The following PCDHA7 variants were observed in gnomAD, a reference collection of about 807,000 sequenced individuals.
The protein encoded by PCDHA7 is protocadherin alpha-7.
In PCDHA7, 37 loss-of-function variants were observed where a neutral mutation model predicts 57.2. The observed-to-expected ratio is 0.65, with a 90% confidence interval of 0.50 to 0.85. PCDHA7 has a LOEUF of 0.85. PCDHA7 is among the 40% of genes least tolerant of loss of function. The pLI is 0.00. For missense variants in PCDHA7, 1,188 were observed against 1,241.8 expected (o/e 0.96, Z 0.65); for synonymous variants, 553 against 558.8 (o/e 0.99, Z 0.15).
At chr5:140,946,679 CG>C (rs1355438071) in intron 1 of PCDHA7, among the ~76,000 whole-genome samples, 1 of 144,750 alleles carries the variant, frequency 6.9e-6, no homozygotes, top group Non-Finnish European at 1.5e-5. Flanking sequence ...TCCTGTCATT[CG>C]TGACAATATG....
chr5:140,927,897 T>C (rs907878286), intron 1 of PCDHA7: 1 of 1,614,086 alleles, frequency 6.2e-7, no homozygotes, highest in African/African-American at 1.3e-5. Context: ...ACGTGAACGA[T>C]CATGCCCCCG....
At chr5:140,891,419 C>T (rs925275455) in intron 1 of PCDHA7, among the ~76,000 whole-genome samples, 1 of 147,378 alleles carries the variant, frequency 6.8e-6, no homozygotes, top group African/African-American at 2.5e-5. Flanking sequence ...CACTCTTGCC[C>T]CCAAGTCCCC....
chr5:140,869,837 C>A (rs374182289), intron 1 of PCDHA7: 48 of 1,611,366 alleles, frequency 3.0e-5, no homozygotes, highest in Non-Finnish European at 3.6e-5. Flanking sequence ...TTTGATAAAT[C>A]AGAATATAAG....
chr5:140,899,909 G>A (rs1401600020), intron 1 of PCDHA7, among the ~76,000 whole-genome samples: 1 of 152,134 alleles, frequency 6.6e-6, no homozygotes, highest in Non-Finnish European at 1.5e-5. Flanking sequence ...CTGGGCTCAA[G>A]CAATCCTCCT....
chr5:140,922,063 A>C (rs1324927848), intron 1 of PCDHA7, among the ~76,000 whole-genome samples: 2 of 152,190 alleles, frequency 1.3e-5, no homozygotes, highest in African/African-American at 4.8e-5. Context: ...AAATGTAGCA[A>C]TCCCACTAAG....
At chr5:140,871,204 A>G in intron 1 of PCDHA7, 1 of 1,613,764 alleles carries the variant, frequency 6.2e-7, no homozygotes, top group Non-Finnish European at 8.5e-7. Context: ...GTACCTGATC[A>G]TCGCCATCTG....
At chr5:140,856,365 A>G in intron 1 of PCDHA7, 1 of 1,598,426 alleles carries the variant, frequency 6.3e-7, no homozygotes, top group Non-Finnish European at 8.6e-7. Flanking sequence ...ATCCACCTGG[A>G]GGTGATCGTG....
intron 1 of PCDHA7, chr5:140,849,501 C>T (rs251354): frequency 6.4e-7 from 1 of 1,571,602 alleles, no homozygotes; most frequent in African/African-American, 1.4e-5. Flanking sequence ...TCATTGTACA[C>T]TTCTTGTGGA....
chr5:141,008,670 A>G (rs1375302412), intron 3 of PCDHA7, among the ~76,000 whole-genome samples: 1 of 152,218 alleles, frequency 6.6e-6, no homozygotes, highest in Non-Finnish European at 1.5e-5. Flanking sequence ...TACTTTACAT[A>G]TACTTTAGTT....
chr5:140,985,283 A>G (rs955144760), intron 3 of PCDHA7, among the ~76,000 whole-genome samples: 6 of 152,020 alleles, frequency 3.9e-5, no homozygotes, highest in Admixed American at 1.3e-4. Context: ...TCTGCAATCT[A>G]TGATATAGTG....
At chr5:140,939,011 CT>C (rs1302482579) in intron 1 of PCDHA7, among the ~76,000 whole-genome samples, 3 of 152,262 alleles carry the variant, frequency 2.0e-5, no homozygotes, top group South Asian at 2.1e-4. Flanking sequence ...AGAAGTGTTA[CT>C]TTTCTTTTAC....
intron 1 of PCDHA7, chr5:140,877,218 G>A: frequency 6.2e-7 from 1 of 1,613,726 alleles, no homozygotes; most frequent in Non-Finnish European, 8.5e-7. Context: ...AGTTGGTACC[G>A]CGGTCGGTGG....
intron 1 of PCDHA7, chr5:140,968,755 A>G: frequency 6.2e-7 from 1 of 1,614,200 alleles, no homozygotes. Flanking sequence ...TGGTGGTCCG[A>G]GATAATGGAG....
At chr5:140,842,280 T>C (rs1554138934) in intron 1 of PCDHA7, 10 of 1,610,840 alleles carry the variant, frequency 6.2e-6, no homozygotes, top group South Asian at 3.3e-5. Flanking sequence ...AAAATCCTCA[T>C]TGACGCCACG....
In PCDHA7 at chr5:140,849,836, C is replaced by T. The variant is rs2150452657; in HGVS notation, c.2355+13098C>T. 6 of 1,598,428 alleles carry T rather than the reference C, an allele frequency of 3.8e-6. 1 individual carries two copies. The Admixed American group carries it at 5.1e-5, about 13-fold the overall frequency. On this transcript the variant is annotated intron_variant, in intron 1 of 3. Coordinates refer to ENST00000525929, the MANE Select transcript of PCDHA7 (RefSeq NM_018910.3). Reference sequence around the variant, plus strand: ...CCAGGGTGTCTGTGGAGGTGGCCGACGTGAACGACAACGCACCAGCGTTCG... The same window carrying T: ...CCAGGGTGTCTGTGGAGGTGGCCGATGTGAACGACAACGCACCAGCGTTCG...
At position 141,011,912 on chromosome 5, in the gene PCDHA7, T is replaced by C. The variant is rs573561005; in HGVS notation, c.*1975T>C. ...ATTATATTATCTATTTAGGCATTAA[T>C]ATAAAAGAGGTAGGAGTCTGTTATT... On this transcript the variant is annotated 3_prime_UTR_variant, in exon 4 of 4. Coordinates refer to ENST00000525929, the MANE Select transcript of PCDHA7 (RefSeq NM_018910.3). 4 of 153,808 alleles carry C rather than the reference T, an allele frequency of 2.6e-5. No individual in the cohort carries two copies. In the South Asian group the frequency reaches 8.3e-4, roughly 32 times the overall value. 9.5% of individuals were successfully genotyped at this position (153,808 alleles called of 1,614,324 possible).
At chr5:140,856,346 G>T in intron 1 of PCDHA7, 1 of 1,598,632 alleles carries the variant, frequency 6.3e-7, no homozygotes, top group Non-Finnish European at 8.6e-7. Context: ...GCGGAGCGTG[G>T]AGTGCAGCAT....
intron 2 of PCDHA7, among the ~76,000 whole-genome samples, chr5:140,981,738 A>C: frequency 6.6e-6 from 1 of 152,114 alleles, no homozygotes. Flanking sequence ...TGAGAGATTA[A>C]TATGAGTTAG....
rs1374151299 is a variant in PCDHA7 at position 141,010,790 on chromosome 5, A to G, written c.*853A>G. The G allele has an allele frequency of 2.0e-5, 3 of 153,822 alleles. No homozygotes were observed. Among genetic ancestry groups the G allele is most frequent in the Admixed American group, 6.5e-5 (1 of 15,286 alleles). The allele number at this position is 153,822 out of a possible 1,614,324, so 9.5% of individuals were successfully genotyped here. Reference sequence around the variant, plus strand: ...CTTTTCCAATACTTATGCAAAAGCAAAAGAAAACCCCGACACCTCACCTTT... The same window carrying G: ...CTTTTCCAATACTTATGCAAAAGCAGAAGAAAACCCCGACACCTCACCTTT... On this transcript the variant is annotated 3_prime_UTR_variant, in exon 4 of 4. Coordinates refer to ENST00000525929, the MANE Select transcript of PCDHA7 (RefSeq NM_018910.3).
Sources: gnomAD v4.1 joint callset for allele counts (sites outside exome capture counted in the v4.1 genomes callset) on GRCh38, gnomAD v4.1.1 for gene constraint, MANE v1.5 for transcripts, NCBI Gene and HGNC (gene_info 2026-07-23, HGNC 2026-07-21) for gene names.